PARD3B: variants seen among roughly 807,000 people sequenced by gnomAD.
PARD3B encodes par-3 family cell polarity regulator beta, also known as partitioning defective 3 homolog B.
Under a neutral mutation model 130.2 loss-of-function variants are expected in PARD3B, and 103 were observed. That is an observed-to-expected ratio of 0.79 (90% CI 0.67 to 0.93). The LOEUF (loss-of-function observed/expected upper bound fraction) is 0.93. Among genes scored for constraint, PARD3B ranks in the 40% least tolerant of loss-of-function variants. PARD3B has a pLI of 0.00. For missense variants in PARD3B, 1,609 were observed against 1,499.2 expected, an observed-to-expected ratio of 1.07 and a Z score of -1.21; for synonymous variants, 583 against 553.2, an observed-to-expected ratio of 1.05 and a Z score of -0.76.
chr2:205,236,944 A>C (rs185608431), intron 15 of PARD3B, among the ~76,000 whole-genome samples: 1 of 152,314 alleles, frequency 6.6e-6, no homozygotes, highest in Admixed American at 6.5e-5. Context: ...CAAGAGAATT[A>C]TAAAGTACAA....
intron 1 of PARD3B, among the ~76,000 whole-genome samples, chr2:204,639,270 A>G (rs1403772029): frequency 6.6e-6 from 1 of 152,208 alleles, no homozygotes; most frequent in African/African-American, 2.4e-5. Flanking sequence ...CAGATTTTCT[A>G]GGTATTCTTA....
intron 15 of PARD3B, among the ~76,000 whole-genome samples, chr2:205,225,578 T>A (rs990348929): frequency 2.0e-5 from 3 of 152,172 alleles, no homozygotes; most frequent in Non-Finnish European, 4.4e-5. Flanking sequence ...CTGGGTAATT[T>A]ATGAAGAAAA....
intron 2 of PARD3B, among the ~76,000 whole-genome samples, chr2:204,792,056 T>A (rs1341637812): frequency 2.6e-5 from 4 of 152,212 alleles, no homozygotes; most frequent in Non-Finnish European, 5.9e-5. Context: ...AATGCTAGAC[T>A]CTTTTACATT....
intron 2 of PARD3B, among the ~76,000 whole-genome samples, chr2:204,802,203 T>C (rs1015307377): frequency 6.6e-6 from 1 of 152,124 alleles, no homozygotes; most frequent in East Asian, 1.9e-4. Context: ...CACTTCTCAA[T>C]AGAAGACATT....
chr2:204,654,788 ATTCT>A (rs2035590252), intron 1 of PARD3B, among the ~76,000 whole-genome samples: 1 of 152,168 alleles, frequency 6.6e-6, no homozygotes, highest in Non-Finnish European at 1.5e-5. Flanking sequence ...ATAGGAATAA[ATTCT>A]TTATTTTTTG....
At chr2:204,923,670 T>C (rs895086494) in intron 2 of PARD3B, among the ~76,000 whole-genome samples, 1 of 152,048 alleles carries the variant, frequency 6.6e-6, no homozygotes, top group African/African-American at 2.4e-5. Flanking sequence ...AGAGCAATCT[T>C]AATTATTGTT....
At chr2:205,217,844 A>G (rs1366948248) in intron 15 of PARD3B, among the ~76,000 whole-genome samples, 13 of 88,714 alleles carry the variant, frequency 1.5e-4, no homozygotes, top group African/African-American at 3.5e-4. Flanking sequence ...ATGTGTGTAT[A>G]TGTGTGTGTG....
chr2:204,568,861 A>G (rs2031831242), intron 1 of PARD3B, among the ~76,000 whole-genome samples: 1 of 151,610 alleles, frequency 6.6e-6, no homozygotes, highest in African/African-American at 2.4e-5. Context: ...GGGCTGAGGT[A>G]GGGGAATCAA....
chr2:204,748,394 G>C (rs901447317), intron 2 of PARD3B, among the ~76,000 whole-genome samples: 2 of 152,106 alleles, frequency 1.3e-5, no homozygotes, highest in Admixed American at 1.3e-4. Context: ...TACTAGGACA[G>C]ATGTCCTAGT....
At chr2:205,255,195 C>G (rs2040027842) in intron 16 of PARD3B, among the ~76,000 whole-genome samples, 1 of 152,110 alleles carries the variant, frequency 6.6e-6, no homozygotes. Context: ...GGCAGGCTCT[C>G]TCTTGGTGCC....
chr2:204,598,771 C>T (rs1271062462), intron 1 of PARD3B, among the ~76,000 whole-genome samples: 2 of 151,908 alleles, frequency 1.3e-5, no homozygotes, highest in Non-Finnish European at 2.9e-5. Flanking sequence ...CTGTTTTTTA[C>T]GTATCCATCA....
chr2:205,240,209 A>C (rs2039290412), intron 15 of PARD3B, among the ~76,000 whole-genome samples: 1 of 152,224 alleles, frequency 6.6e-6, no homozygotes, highest in Non-Finnish European at 1.5e-5. Context: ...TGATCTGCTA[A>C]AGGAGAGGAA....
chr2:205,032,186 G>C (rs527317754), intron 3 of PARD3B, among the ~76,000 whole-genome samples: 1 of 152,008 alleles, frequency 6.6e-6, no homozygotes, highest in Non-Finnish European at 1.5e-5. Flanking sequence ...ATAATAATCC[G>C]TGGATCATTG....
intron 2 of PARD3B, among the ~76,000 whole-genome samples, chr2:204,935,493 G>C (rs533904488): frequency 2.7e-5 from 4 of 150,018 alleles, no homozygotes; most frequent in South Asian, 2.1e-4. Context: ...GAGCCAAGAT[G>C]GCGCCACTGT....
chr2:205,392,115 T>C (rs1017377718), intron 18 of PARD3B, among the ~76,000 whole-genome samples: 1 of 152,206 alleles, frequency 6.6e-6, no homozygotes, highest in Non-Finnish European at 1.5e-5. Flanking sequence ...ATCCATTGCA[T>C]TTCCTAGCCC....
At chr2:205,185,917 A>G (rs1460641229) in intron 14 of PARD3B, 54 bp downstream of exon 14, 8 of 1,407,202 alleles carry the variant, frequency 5.7e-6, no homozygotes, top group Non-Finnish European at 8.1e-6. Context: ...TTTCTGGGAG[A>G]ACACAGCAAC....
At chr2:204,705,420 A>G (rs929070359) in intron 2 of PARD3B, among the ~76,000 whole-genome samples, 4 of 152,198 alleles carry the variant, frequency 2.6e-5, no homozygotes, top group Admixed American at 6.5e-5. Context: ...TTTTAAATCA[A>G]TCAGTTAAAG....
At chr2:205,330,048 T>C (rs2105768450) in intron 18 of PARD3B, among the ~76,000 whole-genome samples, 1 of 136,464 alleles carries the variant, frequency 7.3e-6, no homozygotes, top group East Asian at 2.3e-4. Context: ...ATAAAATAAA[T>C]CATTAACGTA....
intron 2 of PARD3B, among the ~76,000 whole-genome samples, chr2:204,697,797 A>C (rs2037687021): frequency 6.6e-6 from 1 of 152,050 alleles, no homozygotes; most frequent in South Asian, 2.1e-4. Flanking sequence ...CTCACCTGCA[A>C]GGGTGACCCT....
Sources: allele counts gnomAD v4.1 joint callset (sites outside exome capture counted in the v4.1 genomes callset), GRCh38; gene constraint gnomAD v4.1.1; transcripts MANE v1.5; gene names NCBI Gene and HGNC (gene_info 2026-07-23, HGNC 2026-07-21).